WBP2NL: variants seen among roughly 807,000 people sequenced by gnomAD.
The protein encoded by WBP2NL is WBP2 N-terminal like.
WBP2NL carries 27 observed loss-of-function variants against 23.3 expected under a neutral mutation model. The ratio of observed to expected loss-of-function variants is 1.16; its 90% CI spans 0.85 to 1.60. WBP2NL has a LOEUF of 1.60. Among genes scored for constraint, WBP2NL ranks in the 40% most tolerant of loss-of-function variants. The probability of loss-of-function intolerance (pLI) is 0.00; values close to 1 mark genes in which losing one functional copy is unlikely to be tolerated. For missense variants in WBP2NL, 370 were observed against 389.5 expected, an observed-to-expected ratio of 0.95 and a Z score of 0.42; for synonymous variants, 151 against 145.9, an observed-to-expected ratio of 1.03 and a Z score of -0.25.
intron 1 of WBP2NL, chr22:42,001,904 G>C (rs1248679230): frequency 2.1e-6 from 3 of 1,462,166 alleles, no homozygotes; most frequent in Admixed American, 4.9e-5. Flanking sequence ...CCATCTTGGA[G>C]ATGGCTGCGG....
At chr22:42,053,594 G>A (rs1481534965) in intron 8 of WBP2NL, among the ~76,000 whole-genome samples, 1 of 151,912 alleles carries the variant, frequency 6.6e-6, no homozygotes, top group African/African-American at 2.4e-5. Flanking sequence ...TAAGTAGCTG[G>A]GACTACAGGT....
intron 1 of WBP2NL, chr22:42,001,250 A>T: frequency 5.8e-6 from 4 of 692,618 alleles, no homozygotes; most frequent in Non-Finnish European, 1.1e-5. Context: ...TGACTGCATC[A>T]TCATGTAGCA....
At chr22:42,043,731 AT>A (rs133354) in intron 8 of WBP2NL, among the ~76,000 whole-genome samples, 55,128 of 148,294 alleles carry the variant, frequency 0.37, 12,336 homozygotes, top group East Asian at 0.84. Context: ...CTGGAGCTAG[AT>A]TTTTTTTTTT....
downstream of WBP2NL, among the ~76,000 whole-genome samples, chr22:42,037,116 G>C (rs1925210653): frequency 2.1e-5 from 3 of 140,854 alleles, no homozygotes; most frequent in South Asian, 7.0e-4. Context: ...ATGAGATGGG[G>C]TCAGATTTCA....
intron 1 of WBP2NL, among the ~76,000 whole-genome samples, chr22:42,013,901 C>T (rs971521931): frequency 3.3e-5 from 5 of 152,064 alleles, no homozygotes; most frequent in African/African-American, 7.3e-5. Context: ...CGGCCTCAGC[C>T]TCCGGAGTAG....
In WBP2NL at chr22:42,057,553, T is replaced by G. The variant is rs1002096008; in HGVS notation, c.*274-737T>G. On this transcript the variant is annotated intron_variant and NMD_transcript_variant, in intron 8 of 8. Coordinates refer to the WBP2NL transcript ENST00000436265. The stretch of plus-strand genomic sequence containing the variant: ...TTGCTGTTTCTACTAGAATTCAACT[T>G]TTTTTTTTTTCAGTTGAAGTTTTCT... 5.0e-5 allele frequency among the ~76,000 whole-genome samples: 3 copies of G among 60,258 alleles called. No individual in the cohort carries two copies. In the East Asian group the frequency reaches 0.021, roughly 424 times the overall value. 39.5% of individuals were successfully genotyped at this position (60,258 alleles called of 152,430 possible).
chr22:42,031,896 A>G (rs1435248164), downstream of WBP2NL: 1 of 151,962 alleles, frequency 6.6e-6, no homozygotes, highest in Non-Finnish European at 1.5e-5. Context: ...GGGTTTCACC[A>G]TGTTGGCCAG....
chr22:42,013,528 G>T (rs1348201571), intron 1 of WBP2NL, among the ~76,000 whole-genome samples: 1 of 152,198 alleles, frequency 6.6e-6, no homozygotes, highest in Non-Finnish European at 1.5e-5. Context: ...ATGCATGTCA[G>T]TGTGGAACTG....
At chr22:42,055,805 T>C (rs1029874152) in intron 8 of WBP2NL, among the ~76,000 whole-genome samples, 2 of 152,188 alleles carry the variant, frequency 1.3e-5, no homozygotes, top group African/African-American at 4.8e-5. Flanking sequence ...CTAGTAACAA[T>C]TTTTGTCTTA....
At chr22:42,031,250 TAAG>T (rs1236452424), downstream of WBP2NL, 1 of 152,348 alleles carries the variant, frequency 6.6e-6, no homozygotes, top group African/African-American at 2.4e-5. Context: ...ATTTGTTCTA[TAAG>T]AAGAGCTTTG....
At chr22:41,999,130 G>C in intron 1 of WBP2NL, among the ~76,000 whole-genome samples, 1 of 152,024 alleles carries the variant, frequency 6.6e-6, no homozygotes, top group South Asian at 2.1e-4. Context: ...TTCAAGGCGC[G>C]GGGCCCAGAC....
chr22:42,006,290 C>T lies in WBP2NL; in HGVS notation c.62+7410C>T, dbSNP rs992243369. ...GGCTGGAGTGCAGTGGCACGATCTCCGCTCACTGCAAGCTCTGCCTCCCGG... is the reference window on the plus strand; with the variant it reads ...GGCTGGAGTGCAGTGGCACGATCTCTGCTCACTGCAAGCTCTGCCTCCCGG... On this transcript the variant is annotated intron_variant, in intron 1 of 5. Transcript: ENST00000328823. 1.8e-4 allele frequency among the ~76,000 whole-genome samples: 28 copies of T among 151,642 alleles called. No individual in the cohort carries two copies. In the Middle Eastern group the frequency reaches 0.014, roughly 74 times the overall value.
intron 4 of WBP2NL, among the ~76,000 whole-genome samples, chr22:42,020,866 G>GTA (rs1923845700): frequency 4.1e-3 from 64 of 15,560 alleles, no homozygotes; most frequent in African/African-American, 5.4e-3. Flanking sequence ...GTGTGTGTGT[G>GTA]TGTATATATA....
chr22:42,020,882 ATATATATATATATATATATATATATATT>A (rs1923864689), intron 4 of WBP2NL, among the ~76,000 whole-genome samples: 3 of 28,332 alleles, frequency 1.1e-4, no homozygotes, highest in Non-Finnish European at 6.2e-5. Flanking sequence ...ATATATATAT[ATATATATATATATATATATATATATATT>A]TTTTTTTTTT....
At chr22:42,008,559 T>C (rs1922512326) in intron 1 of WBP2NL, among the ~76,000 whole-genome samples, 1 of 151,984 alleles carries the variant, frequency 6.6e-6, no homozygotes, top group African/African-American at 2.4e-5. Flanking sequence ...TGATGTCTCA[T>C]TGTGGTTTTG....
chr22:42,047,842 T>C (rs1925658645), intron 8 of WBP2NL, among the ~76,000 whole-genome samples: 1 of 151,404 alleles, frequency 6.6e-6, no homozygotes, highest in African/African-American at 2.4e-5. Context: ...AGGATGGTCT[T>C]GATCTCCTGA....
chr22:42,038,527 T>C (rs1261313955), intron 8 of WBP2NL, among the ~76,000 whole-genome samples: 1 of 152,206 alleles, frequency 6.6e-6, no homozygotes, highest in Non-Finnish European at 1.5e-5. Context: ...TTGGAAGAGT[T>C]TAAGAAGGCC....
In WBP2NL at chr22:42,026,884, A is replaced by G; in HGVS notation, c.633A>G (p.Arg211=). The G allele has an allele frequency of 6.2e-7, 1 of 1,613,374 alleles. No homozygotes were observed. The change falls in exon 6 of 6, where the codon AGA becomes AGG. Residue 211 remains arginine, a synonymous_variant. Transcript: ENST00000328823. The part of the protein sequence containing the change: ...VGNEGPPVGY[R]ASPVRYGAPP... ...ATGAAGGCCCGCCTGTGGGATACAGAGCCTCACCTGTGCGATATGGAGCCC... is the reference window on the plus strand; with the variant it reads ...ATGAAGGCCCGCCTGTGGGATACAGGGCCTCACCTGTGCGATATGGAGCCC...
downstream of WBP2NL, chr22:42,031,066 GGGTACCT>G (rs1924910471): frequency 6.6e-6 from 1 of 152,222 alleles, no homozygotes; most frequent in Admixed American, 6.5e-5. Context: ...CCTGTGCAAA[GGGTACCT>G]GTTTACCTGG....
Sources: allele counts gnomAD v4.1 joint callset (sites outside exome capture counted in the v4.1 genomes callset), GRCh38; gene constraint gnomAD v4.1.1; transcripts MANE v1.5; gene names NCBI Gene and HGNC (gene_info 2026-07-23, HGNC 2026-07-21).